PPARA: variants seen among roughly 807,000 people sequenced by gnomAD.
The protein encoded by PPARA is peroxisome proliferator-activated receptor alpha.
A neutral mutation model predicts 42.2 loss-of-function variants in PPARA; 22 were observed. The observed-to-expected ratio is 0.52, with a 90% CI of 0.37 to 0.74. The LOEUF is 0.74. Ranked by LOEUF, PPARA falls within the 30% of genes least tolerant of loss-of-function variation. The pLI, the probability that PPARA is intolerant of heterozygous loss-of-function variation, is 0.00. For synonymous variants in PPARA, 242 were observed against 239.3 expected (o/e 1.01, Z -0.10); for missense variants, 465 against 608.2 (o/e 0.76, Z 2.48).
At chr22:46,194,269 T>A (rs1201706173) in intron 3 of PPARA, among the ~76,000 whole-genome samples, 1 of 152,268 alleles carries the variant, frequency 6.6e-6, no homozygotes, top group African/African-American at 2.4e-5. Flanking sequence ...AGAGATTGTA[T>A]CTTGGTTAGC....
chr22:46,225,624 C>G lies in PPARA; in HGVS notation c.711+5610C>G, dbSNP rs1021602097. On this transcript the variant is annotated intron_variant, in intron 7 of 8. Coordinates refer to ENST00000407236, the MANE Select transcript of PPARA (RefSeq NM_005036.6). This position sits in a 1 kb window ranked among gnomAD's most constrained non-coding sequence, Gnocchi z 4.1. Reference sequence around the variant, plus strand: ...TCACACATCCATGCATGCATGTGTACACAAACACACCCACACATACACATG... The same window carrying G: ...TCACACATCCATGCATGCATGTGTAGACAAACACACCCACACATACACATG... Among the ~76,000 whole-genome samples, 2 of 151,414 alleles carry G rather than the reference C, an allele frequency of 1.3e-5. No individual in the cohort carries two copies. Among genetic ancestry groups the G allele is most frequent in the African/African-American group, 2.4e-5 (1 of 41,218 alleles).
chr22:46,176,354 C>T (rs894578495), intron 2 of PPARA, among the ~76,000 whole-genome samples: 4 of 151,908 alleles, frequency 2.6e-5, no homozygotes, highest in African/African-American at 9.7e-5. Flanking sequence ...AGCATGCTGG[C>T]ATGTGCCTGC....
At chr22:46,177,026 C>T (rs751790492) in intron 3 of PPARA, among the ~76,000 whole-genome samples, 190 bp downstream of exon 3, 9 of 152,150 alleles carry the variant, frequency 5.9e-5, no homozygotes, top group Non-Finnish European at 1.0e-4. Flanking sequence ...CTGGCTAACA[C>T]AGTGAAACCC....
In PPARA at chr22:46,165,918, G is replaced by A. The variant is rs746449037; in HGVS notation, c.-126-10835G>A. ...AGTGGCTCATGCATGTAATCCCAGC[G>A]CTTTGGGAGGCCAAGGCGGGTGAAT... On this transcript the variant is annotated intron_variant, in intron 2 of 8. Transcript: ENST00000407236. The surrounding 1 kb of genome is among the most constrained non-coding windows in gnomAD (Gnocchi z 5.5). Among the ~76,000 whole-genome samples the A allele has an allele frequency of 5.3e-5, 8 of 152,046 alleles. No individual in the cohort carries two copies. The highest frequency in any genetic ancestry group is 1.2e-4 in the Non-Finnish European group (8 of 68,006).
At chr22:46,208,564 A>T (rs1357870974) in intron 4 of PPARA, among the ~76,000 whole-genome samples, 1 of 149,382 alleles carries the variant, frequency 6.7e-6, no homozygotes, top group Non-Finnish European at 1.5e-5. Context: ...AAAAAAAAAA[A>T]GTCTATTCCT....
intron 4 of PPARA, among the ~76,000 whole-genome samples, chr22:46,201,344 C>G (rs372067550): frequency 1.8e-4 from 28 of 152,188 alleles, no homozygotes; most frequent in African/African-American, 6.7e-4. Context: ...CCTTTGTGAC[C>G]GAGCAGCTTT....
At chr22:46,215,487 C>A in intron 5 of PPARA, 154 bp downstream of exon 5, 2 of 985,234 alleles carry the variant, frequency 2.0e-6, no homozygotes, top group Non-Finnish European at 3.1e-6. Flanking sequence ...CCTATAATTC[C>A]AGCACTTTGG....
Position 46,196,626 on chromosome 22 carries a change from C to T in PPARA, c.-42-1716C>T, listed in dbSNP as rs911187614. Among the ~76,000 whole-genome samples, 11 of 152,186 alleles carry T rather than the reference C, an allele frequency of 7.2e-5. No homozygotes were observed. Among genetic ancestry groups the T allele is most frequent in the African/African-American group, 2.7e-4 (11 of 41,450 alleles). ...TCAGTGAGGCCTTCCCTGGCCTCAC[C>T]CCGGACACTCCACACGTGCATTCAT... On this transcript the variant is annotated intron_variant, in intron 3 of 8. Coordinates refer to ENST00000407236, the MANE Select transcript of PPARA (RefSeq NM_005036.6). The surrounding 1 kb of genome is among the most constrained non-coding windows in gnomAD (Gnocchi z 5.6).
Position 46,160,442 on chromosome 22 carries a change from A to G in PPARA, c.-127+8472A>G, listed in dbSNP as rs2147124109. 6.6e-6 allele frequency among the ~76,000 whole-genome samples: 1 copy of G among 151,952 alleles called. No homozygotes were observed. Among genetic ancestry groups the G allele is most frequent in the African/African-American group, 2.4e-5 (1 of 41,420 alleles). On this transcript the variant is annotated intron_variant, in intron 2 of 8. Coordinates refer to ENST00000407236, the MANE Select transcript of PPARA (RefSeq NM_005036.6). The surrounding 1 kb of genome is among the most constrained non-coding windows in gnomAD (Gnocchi z 4.5). The stretch of plus-strand genomic sequence containing the variant: ...CTCCTACATAGCTGGTACTACAGGC[A>G]CGCGCCACCATGCCTGGCTAAATTG...
chr22:46,197,513 G>A (rs1181454314), intron 3 of PPARA, among the ~76,000 whole-genome samples: 1 of 152,216 alleles, frequency 6.6e-6, no homozygotes, highest in African/African-American at 2.4e-5. Flanking sequence ...TCAGCGTGCT[G>A]ATCAAGAGAC....
At chr22:46,151,638 C>A (rs148630485) in intron 1 of PPARA, among the ~76,000 whole-genome samples, 1 of 152,370 alleles carries the variant, frequency 6.6e-6, no homozygotes, top group African/African-American at 2.4e-5. Flanking sequence ...CGGGGCTGCA[C>A]GCCCACGTCA....
At position 46,203,306 on chromosome 22, in the gene PPARA, C is replaced by T. The variant is rs958117235; in HGVS notation, c.208+4715C>T. On this transcript the variant is annotated intron_variant, in intron 4 of 8. Transcript: ENST00000407236. This position sits in a 1 kb window ranked among gnomAD's most constrained non-coding sequence, Gnocchi z 5.8. ...ATGTAGACTGGTCTCTCAGAAGAGC[C>T]GGATATTAAATGCAGTACTTTAAAC... Among the ~76,000 whole-genome samples, 10 of 152,082 alleles carry T rather than the reference C, an allele frequency of 6.6e-5. No individual in the cohort carries two copies. The highest frequency in any genetic ancestry group is 1.3e-4 in the Non-Finnish European group (9 of 68,026).
rs1198912463 is a variant in PPARA at position 46,165,498 on chromosome 22, T to C, written c.-126-11255T>C. Among the ~76,000 whole-genome samples, 1 of 152,156 alleles carries C rather than the reference T, an allele frequency of 6.6e-6. No individual in the cohort carries two copies. The highest frequency in any genetic ancestry group is 1.5e-5 in the Non-Finnish European group (1 of 68,024). On this transcript the variant is annotated intron_variant, in intron 2 of 8. Coordinates refer to ENST00000407236, the MANE Select transcript of PPARA (RefSeq NM_005036.6). This position sits in a 1 kb window ranked among gnomAD's most constrained non-coding sequence, Gnocchi z 5.5. ...ATGGAAACTTGATGTTTGGGGCCAT[T>C]GTGTCCCTGGGGTGTTGGCCAATTT...
Position 46,215,102 on chromosome 22 carries a change from C to T in PPARA, c.209-71C>T, listed in dbSNP as rs4253734. 15,699 of 1,571,038 alleles carry T rather than the reference C, an allele frequency of 1.0e-2. 107 individuals are homozygous for T. Among genetic ancestry groups the T allele is most frequent in the Middle Eastern group, 0.038 (168 of 4,470 alleles). ...GAAGCCTCGTATGCGAAATCACATC[C>T]TCATAGACCCGGTTCAGACACAGGA... is the stretch of plus-strand genomic sequence containing the variant. On this transcript the variant is annotated intron_variant, in intron 4 of 8. Transcript: ENST00000407236.
In PPARA at chr22:46,215,315, C is replaced by T. The variant is rs765089560; in HGVS notation, c.351C>T (p.His117=). The change falls in exon 5 of 9, where the codon CAC becomes CAT. Residue 117 remains histidine, a synonymous_variant. Transcript: ENST00000407236. ...CCTCAGGCTATCATTACGGAGTCCA[C>T]GCGTGTGAAGGCTGCAAGGTAGAGG... ...DKASGYHYGV[H]ACEGCKGFFR... 4 of 1,614,116 alleles carry T rather than the reference C, an allele frequency of 2.5e-6. No individual in the cohort carries two copies. In the South Asian group the frequency reaches 3.3e-5, roughly 13 times the overall value.
At position 46,227,618 on chromosome 22, in the gene PPARA, T is replaced by C. The variant is rs139313933; in HGVS notation, c.712-4174T>C. 9.1e-4 allele frequency among the ~76,000 whole-genome samples: 139 copies of C among 152,298 alleles called. No individual in the cohort carries two copies. Among genetic ancestry groups the C allele is most frequent in the African/African-American group, 3.0e-3 (126 of 41,560 alleles). On this transcript the variant is annotated intron_variant, in intron 7 of 8. Transcript: ENST00000407236. The surrounding 1 kb of genome is among the most constrained non-coding windows in gnomAD (Gnocchi z 4.3). ...GATGAATTCTCATGAGTGATATCAT[T>C]GAGCTTCGTAGGCCACATGAGTGTG...
rs981838391 is a variant in PPARA, at chr22:46,163,398, T to C, written c.-127+11428T>C. The C allele has an allele frequency of 1.3e-4, 20 of 152,218 alleles. No individual in the cohort carries two copies. The highest frequency in any genetic ancestry group is 4.6e-4 in the African/African-American group (19 of 41,464). The allele number at this position is 152,218 out of a possible 1,614,324, so 9.4% of individuals were successfully genotyped here. On this transcript the variant is annotated intron_variant, in intron 2 of 8. Transcript: ENST00000407236. The surrounding 1 kb of genome is among the most constrained non-coding windows in gnomAD (Gnocchi z 4.9). ...CTCTAATCATACATCTAATGACCTATATTGAAGATACACTGCCTGCTTAGT... is the reference window on the plus strand; with the variant it reads ...CTCTAATCATACATCTAATGACCTACATTGAAGATACACTGCCTGCTTAGT...
At chr22:46,153,163 C>CTTTTTTTTTTTTTTTTT (rs996863467) in intron 2 of PPARA, among the ~76,000 whole-genome samples, 5 of 109,220 alleles carry the variant, frequency 4.6e-5, no homozygotes, top group African/African-American at 1.8e-4. Context: ...TTCCCACATC[C>CTTTTTTTTTTTTTTTTT]TTTTTTTTTT....
At chr22:46,205,528 A>G (rs1205854083) in intron 4 of PPARA, among the ~76,000 whole-genome samples, 2 of 23,930 alleles carry the variant, frequency 8.4e-5, no homozygotes, top group African/African-American at 4.4e-4. Flanking sequence ...CCATATATAT[A>G]TATATATATA....
Sources: allele counts gnomAD v4.1 joint callset (sites outside exome capture counted in the v4.1 genomes callset), GRCh38; gene constraint gnomAD v4.1.1; non-coding constraint Gnocchi (gnomAD v3.1); transcripts MANE v1.5; gene names NCBI Gene and HGNC (gene_info 2026-07-23, HGNC 2026-07-21).